DLGAP1: variants seen among roughly 807,000 people sequenced by gnomAD.
DLGAP1 encodes the protein disks large-associated protein 1.
A neutral mutation model predicts 90.8 loss-of-function variants in DLGAP1; 11 were observed. That is an observed-to-expected ratio of 0.12 (90% CI 0.08 to 0.20). The LOEUF is 0.20. DLGAP1 is among the 10% of genes least tolerant of loss of function. DLGAP1 has a pLI of 1.00. For synonymous variants in DLGAP1, 558 were observed against 540.7 expected (o/e 1.03, Z -0.44); for missense variants, 1,050 against 1,333.8 (o/e 0.79, Z 3.31).
At chr18:3,506,160 C>T (rs567471599) in intron 11 of DLGAP1, among the ~76,000 whole-genome samples, 3 of 152,060 alleles carry the variant, frequency 2.0e-5, no homozygotes, top group Non-Finnish European at 4.4e-5. Flanking sequence ...ATAGCTTGAA[C>T]CAGGAGGTGG....
At chr18:4,397,868 C>T (rs2082472318) in intron 1 of DLGAP1, among the ~76,000 whole-genome samples, 1 of 152,040 alleles carries the variant, frequency 6.6e-6, no homozygotes, top group Non-Finnish European at 1.5e-5. Flanking sequence ...ACATTTTTAT[C>T]TGCCTAATAA....
chr18:4,359,701 T>C (rs1268196536), intron 1 of DLGAP1, among the ~76,000 whole-genome samples: 3 of 152,168 alleles, frequency 2.0e-5, no homozygotes, highest in African/African-American at 7.2e-5. Context: ...TTATTTAGGA[T>C]AGATACGATG....
intron 9 of DLGAP1, among the ~76,000 whole-genome samples, chr18:3,545,967 G>T (rs1399557965): frequency 6.6e-6 from 1 of 152,086 alleles, no homozygotes; most frequent in Non-Finnish European, 1.5e-5. Flanking sequence ...CATAAAGCAA[G>T]CACTGATAGA....
chr18:3,898,226 A>G (rs1175792172), intron 3 of DLGAP1, among the ~76,000 whole-genome samples: 1 of 152,254 alleles, frequency 6.6e-6, no homozygotes, highest in Non-Finnish European at 1.5e-5. Flanking sequence ...GTTGGTGCTC[A>G]AAAAGCTTTG....
intron 7 of DLGAP1, among the ~76,000 whole-genome samples, chr18:3,668,538 GAA>G (rs1207368765): frequency 6.6e-6 from 1 of 151,942 alleles, no homozygotes; most frequent in African/African-American, 2.4e-5. Context: ...CCAGGCTGGG[GAA>G]AAGTTTTTCA....
At chr18:3,977,045 G>C (rs1347717040) in intron 3 of DLGAP1, among the ~76,000 whole-genome samples, 1 of 152,030 alleles carries the variant, frequency 6.6e-6, no homozygotes, top group Non-Finnish European at 1.5e-5. Context: ...TTTGTTAATA[G>C]CTTTGATTGA....
intron 4 of DLGAP1, among the ~76,000 whole-genome samples, chr18:3,818,579 T>TGA (rs1489600235): frequency 2.7e-5 from 4 of 149,634 alleles, no homozygotes; most frequent in African/African-American, 9.9e-5. Context: ...AGGCTGCTCT[T>TGA]GAACATATTG....
intron 5 of DLGAP1, among the ~76,000 whole-genome samples, chr18:3,763,309 T>A (rs1361285140): frequency 2.6e-5 from 4 of 152,204 alleles, no homozygotes; most frequent in Admixed American, 2.0e-4. Context: ...CCTAGGACTC[T>A]TGGACCTTCA....
intron 2 of DLGAP1, among the ~76,000 whole-genome samples, chr18:4,135,016 G>A (rs898683225): frequency 4.0e-5 from 6 of 151,892 alleles, no homozygotes; most frequent in African/African-American, 9.7e-5. Flanking sequence ...TAGTGTGGCC[G>A]GAAACTGAAA....
intron 6 of DLGAP1, among the ~76,000 whole-genome samples, chr18:3,735,365 G>A (rs1445941155): frequency 1.3e-5 from 2 of 152,164 alleles, no homozygotes; most frequent in Admixed American, 6.5e-5. Context: ...AACTAGAGGC[G>A]TGTGACACCA....
chr18:3,985,976 G>C (rs574261505), intron 3 of DLGAP1: 1 of 152,230 alleles, frequency 6.6e-6, no homozygotes, highest in South Asian at 2.1e-4. Flanking sequence ...ATGATGTAGC[G>C]GAAAGTCATC....
chr18:3,905,336 C>T (rs544327315), intron 3 of DLGAP1, among the ~76,000 whole-genome samples: 187 of 114,554 alleles, frequency 1.6e-3, no homozygotes, highest in African/African-American at 5.8e-3. Flanking sequence ...CACTGCACTC[C>T]AGCCTGGGCA....
Position 3,729,092 on chromosome 18 carries a change from A to G in DLGAP1, c.1591+43T>C. Reference sequence around the variant, plus strand: ...CAGTCTTTGGGGACAGTCGTGCCATAGCCAGCACAGGGGCCAGGCTGGCTG... The same window carrying G: ...CAGTCTTTGGGGACAGTCGTGCCATGGCCAGCACAGGGGCCAGGCTGGCTG... On this transcript the variant is annotated intron_variant, in intron 7 of 12. Transcript: ENST00000315677. The surrounding 1 kb of genome is among the most constrained non-coding windows in gnomAD (Gnocchi z 6.2). 2 of 1,566,598 alleles carry G rather than the reference A, an allele frequency of 1.3e-6. No homozygotes were observed. Among genetic ancestry groups the G allele is most frequent in the South Asian group, 2.3e-5 (2 of 85,566 alleles).
At chr18:4,171,407 T>C (rs2144587606) in intron 1 of DLGAP1, among the ~76,000 whole-genome samples, 1 of 151,232 alleles carries the variant, frequency 6.6e-6, no homozygotes, top group South Asian at 2.1e-4. Context: ...CTACTAAAAA[T>C]ACAAAAAATC....
intron 7 of DLGAP1, among the ~76,000 whole-genome samples, chr18:3,642,445 C>T (rs139140765): frequency 6.6e-6 from 1 of 152,140 alleles, no homozygotes; most frequent in African/African-American, 2.4e-5. Context: ...CACTATGCAC[C>T]ATCTCCCTCA....
At chr18:3,772,943 A>G (rs8089429) in intron 5 of DLGAP1, among the ~76,000 whole-genome samples, 146,883 of 152,216 alleles carry the variant, frequency 0.96, 70,944 homozygotes, top group East Asian at 1. Context: ...TATTGAACGG[A>G]GCCCCTGGTC....
At chr18:3,856,292 CG>C (rs1329098188) in intron 4 of DLGAP1, among the ~76,000 whole-genome samples, 1 of 152,062 alleles carries the variant, frequency 6.6e-6, no homozygotes, top group Non-Finnish European at 1.5e-5. Flanking sequence ...ATGAACTCAA[CG>C]GAACAGAAAC....
intron 10 of DLGAP1, among the ~76,000 whole-genome samples, chr18:3,521,978 C>T (rs1168007725): frequency 1.3e-5 from 2 of 152,078 alleles, no homozygotes; most frequent in African/African-American, 2.4e-5. Flanking sequence ...TATTATTCCT[C>T]TTGCATTGCT....
At chr18:3,806,080 C>T (rs1309818114) in intron 5 of DLGAP1, among the ~76,000 whole-genome samples, 1 of 152,170 alleles carries the variant, frequency 6.6e-6, no homozygotes, top group Non-Finnish European at 1.5e-5. Flanking sequence ...ACCTAGGCTT[C>T]CTTTTAAAGA....
Sources: gnomAD v4.1 joint callset for allele counts (sites outside exome capture counted in the v4.1 genomes callset) on GRCh38, gnomAD v4.1.1 for gene constraint, Gnocchi (gnomAD v3.1) non-coding constraint, MANE v1.5 for transcripts, NCBI Gene and HGNC (gene_info 2026-07-23, HGNC 2026-07-21) for gene names.